Variants in DYM observed in about 807,000 individuals in gnomAD.
DYM encodes dymeclin.
In DYM, 78 loss-of-function variants were observed where a neutral mutation model predicts 93.1. That is an observed-to-expected ratio of 0.84 (90% CI 0.70 to 1.01). DYM has a LOEUF of 1.01. Ranked by LOEUF, DYM falls within the 50% of genes least tolerant of loss-of-function variation. DYM has a pLI of 0.00. For synonymous variants in DYM, 321 were observed against 319.7 expected (o/e 1.00, Z -0.04); for missense variants, 789 against 845.0 (o/e 0.93, Z 0.82).
intron 13 of DYM, among the ~76,000 whole-genome samples, chr18:49,221,642 A>T (rs1295220009): frequency 6.6e-6 from 1 of 152,200 alleles, no homozygotes; most frequent in East Asian, 1.9e-4. Flanking sequence ...CATTCTCAGT[A>T]AACTATCACA....
chr18:49,108,519 G>C (rs754210332), intron 16 of DYM, among the ~76,000 whole-genome samples: 15 of 152,210 alleles, frequency 9.9e-5, no homozygotes, highest in Non-Finnish European at 2.1e-4. Flanking sequence ...CTGTAGACTG[G>C]AGCTGTTCCT....
chr18:49,213,507 G>A (rs1474239497), intron 13 of DYM, among the ~76,000 whole-genome samples: 1 of 151,982 alleles, frequency 6.6e-6, no homozygotes, highest in Admixed American at 6.5e-5. Flanking sequence ...GTAGAGATGG[G>A]GTTTCCCCAT....
chr18:49,282,726 A>T (rs1353443281), intron 9 of DYM, among the ~76,000 whole-genome samples: 1 of 152,224 alleles, frequency 6.6e-6, no homozygotes, highest in Non-Finnish European at 1.5e-5. Flanking sequence ...AAGAACATGA[A>T]CTTAAATAAA....
At chr18:49,339,147 G>A (rs1242217430) in intron 6 of DYM, among the ~76,000 whole-genome samples, 1 of 152,228 alleles carries the variant, frequency 6.6e-6, no homozygotes, top group Non-Finnish European at 1.5e-5. Context: ...GGCATGTGGT[G>A]ATATAAAAAC....
Position 49,370,279 on chromosome 18 carries a change from A to AG in DYM, c.422-7047dup, listed in dbSNP as rs1330842578. On this transcript the variant is annotated intron_variant, in intron 5 of 17. Transcript: ENST00000675505. ...GGAAACAAGAGCGAAACTCCATCTC[A>AG]GAAAAAAAAAAAAAAAAAAACAAAA... 5.0e-5 allele frequency among the ~76,000 whole-genome samples: 6 copies of AG among 119,724 alleles called. No individual in the cohort carries two copies. In the East Asian group the frequency reaches 1.7e-3, roughly 35 times the overall value. 78.5% of individuals were successfully genotyped at this position (119,724 alleles called of 152,430 possible).
chr18:49,401,984 C>G (rs1204497836), intron 2 of DYM, among the ~76,000 whole-genome samples: 1 of 151,310 alleles, frequency 6.6e-6, no homozygotes, highest in Non-Finnish European at 1.5e-5. Context: ...CGAGATGACA[C>G]CACTGCACTC....
At chr18:49,208,881 A>C (rs1223049409) in intron 14 of DYM, 1 of 152,008 alleles carries the variant, frequency 6.6e-6, no homozygotes, top group Non-Finnish European at 1.5e-5. Context: ...CTGCCCCTCT[A>C]TTTTGGTGCA....
chr18:49,382,583 C>T (rs1182229096), intron 3 of DYM, among the ~76,000 whole-genome samples: 1 of 152,114 alleles, frequency 6.6e-6, no homozygotes, highest in Non-Finnish European at 1.5e-5. Context: ...GGAGGTCCGA[C>T]AGGAAAGCAG....
intron 16 of DYM, among the ~76,000 whole-genome samples, chr18:49,109,184 G>C (rs979788586): frequency 1.3e-5 from 2 of 152,012 alleles, no homozygotes; most frequent in Non-Finnish European, 2.9e-5. Context: ...TTTTAATTGA[G>C]GCATCAGGAT....
chr18:49,325,106 G>A (rs1239697195), intron 8 of DYM, among the ~76,000 whole-genome samples: 2 of 152,132 alleles, frequency 1.3e-5, no homozygotes, highest in Non-Finnish European at 2.9e-5. Context: ...ATATTGGGGG[G>A]ATTTGAACCC....
At chr18:49,265,888 C>T (rs2094562186) in intron 11 of DYM, among the ~76,000 whole-genome samples, 1 of 151,132 alleles carries the variant, frequency 6.6e-6, no homozygotes, top group Non-Finnish European at 1.5e-5. Context: ...AGAAACTAAA[C>T]TATGGTAAAA....
rs770353819 is a variant in DYM, at chr18:49,333,688, T to C, written c.620+40A>G. 1.1e-5 allele frequency: 17 copies of C among 1,599,046 alleles called. No individual in the cohort carries two copies. The East Asian group carries it at 1.3e-4, about 13-fold the overall frequency. ...GGACAAGACTAGAAATATAGATTTA[T>C]ACAATGAAAAAACTAGACATACTTA... is the stretch of plus-strand genomic sequence containing the variant. On this transcript the variant is annotated intron_variant, in intron 7 of 17. Transcript: ENST00000675505.
intron 17 of DYM, among the ~76,000 whole-genome samples, chr18:49,073,731 A>G (rs1433712327): frequency 6.6e-6 from 1 of 152,198 alleles, no homozygotes; most frequent in African/African-American, 2.4e-5. Context: ...AACCACGTCT[A>G]AAACAAGGAA....
chr18:49,440,354 G>GCATATGATATATAATATAGCATATTA (rs1301355453), intron 1 of DYM, among the ~76,000 whole-genome samples: 1 of 115,216 alleles, frequency 8.7e-6, no homozygotes, highest in Non-Finnish European at 1.8e-5. Flanking sequence ...ATATAATATA[G>GCATATGATATATAATATAGCATATTA]TATATGATAT....
intron 8 of DYM, among the ~76,000 whole-genome samples, chr18:49,313,068 G>A (rs907526608): frequency 3.9e-5 from 6 of 152,112 alleles, no homozygotes; most frequent in Admixed American, 2.0e-4. Flanking sequence ...AAATAAGTCC[G>A]AGACCTGCTG....
At chr18:49,429,088 C>G in intron 2 of DYM, among the ~76,000 whole-genome samples, 1 of 152,170 alleles carries the variant, frequency 6.6e-6, no homozygotes, top group East Asian at 1.9e-4. Flanking sequence ...CTAGAAGCTG[C>G]TCATATTTCT....
At chr18:49,288,118 T>A (rs1018989211) in intron 8 of DYM, among the ~76,000 whole-genome samples, 1 of 152,182 alleles carries the variant, frequency 6.6e-6, no homozygotes, top group Non-Finnish European at 1.5e-5. Flanking sequence ...AATTTAAAAT[T>A]ACATACATGG....
chr18:49,046,082 G>A (rs1599310885), intron 17 of DYM, among the ~76,000 whole-genome samples: 2 of 145,660 alleles, frequency 1.4e-5, no homozygotes, highest in African/African-American at 2.6e-5. Flanking sequence ...AGCTGCATGC[G>A]CGCACACACA....
intron 17 of DYM, among the ~76,000 whole-genome samples, chr18:49,048,725 T>A (rs1350808454): frequency 6.6e-6 from 1 of 152,252 alleles, no homozygotes; most frequent in Non-Finnish European, 1.5e-5. Flanking sequence ...GAAACTCTGA[T>A]GACTATTCCG....
Sources: allele counts gnomAD v4.1 joint callset (sites outside exome capture counted in the v4.1 genomes callset), GRCh38; gene constraint gnomAD v4.1.1; transcripts MANE v1.5; gene names NCBI Gene and HGNC (gene_info 2026-07-23, HGNC 2026-07-21).